Variants in CTNNA3 observed in about 807,000 individuals in gnomAD.
CTNNA3 encodes catenin alpha-3.
CTNNA3 carries 76 observed loss-of-function variants against 95.7 expected under a neutral mutation model. The observed-to-expected ratio is 0.79, with a 90% confidence interval of 0.66 to 0.96. CTNNA3 has a LOEUF of 0.96. Ranked by LOEUF, CTNNA3 falls within the 40% of genes least tolerant of loss-of-function variation. The probability of loss-of-function intolerance (pLI) is 0.00; values close to 1 mark genes in which losing one functional copy is unlikely to be tolerated. For synonymous variants in CTNNA3, 431 were observed against 374.4 expected (o/e 1.15, Z -1.74); for missense variants, 1,191 against 1,089.8 (o/e 1.09, Z -1.31).
intron 17 of CTNNA3, among the ~76,000 whole-genome samples, chr10:65,957,317 T>C (rs2077751785): frequency 1.3e-5 from 2 of 152,190 alleles, no homozygotes; most frequent in South Asian, 4.1e-4. Context: ...GAATACAGCA[T>C]GCTGATGAGT....
chr10:66,124,802 C>T (rs2082737789), intron 13 of CTNNA3, among the ~76,000 whole-genome samples: 1 of 152,124 alleles, frequency 6.6e-6, no homozygotes, highest in Admixed American at 6.5e-5. Flanking sequence ...GACTCATTCA[C>T]TATCACAAGA....
At chr10:66,458,745 G>A (rs1319544228) in intron 11 of CTNNA3, among the ~76,000 whole-genome samples, 1 of 152,134 alleles carries the variant, frequency 6.6e-6, no homozygotes, top group Non-Finnish European at 1.5e-5. Context: ...TCATGTTGAA[G>A]CAATCAGAAT....
At chr10:67,478,161 A>C (rs1366668729) in intron 5 of CTNNA3, among the ~76,000 whole-genome samples, 6 of 152,218 alleles carry the variant, frequency 3.9e-5, no homozygotes, top group African/African-American at 1.4e-4. Flanking sequence ...AAAAATGAAC[A>C]AAGTCATTGA....
At chr10:67,064,173 T>C (rs974720929) in intron 7 of CTNNA3, among the ~76,000 whole-genome samples, 1 of 152,210 alleles carries the variant, frequency 6.6e-6, no homozygotes. Context: ...TTATCTTTCA[T>C]CTTACATCAT....
chr10:67,008,427 C>T (rs1051138438), intron 7 of CTNNA3, among the ~76,000 whole-genome samples: 21 of 152,042 alleles, frequency 1.4e-4, no homozygotes, highest in Non-Finnish European at 5.9e-5. Flanking sequence ...TCTTGATTCA[C>T]CTCTTAGTAG....
intron 9 of CTNNA3, among the ~76,000 whole-genome samples, chr10:66,639,309 C>T (rs1255381445): frequency 6.6e-6 from 1 of 152,014 alleles, no homozygotes; most frequent in African/African-American, 2.4e-5. Context: ...AGATCTGCAT[C>T]CTAGTTACAG....
At chr10:67,061,787 G>A (rs1855769659) in intron 7 of CTNNA3, among the ~76,000 whole-genome samples, 1 of 152,112 alleles carries the variant, frequency 6.6e-6, no homozygotes, top group Non-Finnish European at 1.5e-5. Context: ...TAATAAGAAA[G>A]GACAGCTTCA....
At chr10:66,791,592 G>A (rs1165385969) in intron 7 of CTNNA3, among the ~76,000 whole-genome samples, 1 of 152,096 alleles carries the variant, frequency 6.6e-6, no homozygotes, top group African/African-American at 2.4e-5. Flanking sequence ...GTAATTAATT[G>A]ATTAATGCAT....
intron 5 of CTNNA3, among the ~76,000 whole-genome samples, chr10:67,310,733 C>T (rs181357720): frequency 2.6e-5 from 4 of 152,262 alleles, no homozygotes; most frequent in African/African-American, 9.6e-5. Context: ...ATAAAACCAT[C>T]AATCTTGTAA....
intron 7 of CTNNA3, among the ~76,000 whole-genome samples, chr10:66,780,824 G>A (rs374604225): frequency 2.6e-5 from 4 of 152,082 alleles, no homozygotes; most frequent in Admixed American, 1.3e-4. Context: ...ATCCCATTAC[G>A]TTTCTGGGCC....
At chr10:66,702,728 G>GT (rs1589145960) in intron 9 of CTNNA3, among the ~76,000 whole-genome samples, 11 of 90,814 alleles carry the variant, frequency 1.2e-4, no homozygotes, top group African/African-American at 3.8e-4. Context: ...AAAAAAAAAA[G>GT]AATAAGTAGT....
At chr10:66,995,793 T>C (rs1564819588) in intron 7 of CTNNA3, among the ~76,000 whole-genome samples, 1 of 152,174 alleles carries the variant, frequency 6.6e-6, no homozygotes, top group Non-Finnish European at 1.5e-5. Flanking sequence ...CTACTCATTC[T>C]TAAGGTCTAA....
At chr10:67,031,708 G>A (rs1853739761) in intron 7 of CTNNA3, among the ~76,000 whole-genome samples, 1 of 152,122 alleles carries the variant, frequency 6.6e-6, no homozygotes, top group Non-Finnish European at 1.5e-5. Flanking sequence ...AGTAGACTAG[G>A]ACCTTAGTTT....
chr10:67,206,151 T>C (rs1242018687), intron 6 of CTNNA3, among the ~76,000 whole-genome samples: 1 of 152,236 alleles, frequency 6.6e-6, no homozygotes, highest in Non-Finnish European at 1.5e-5. Context: ...GAGACAGTTA[T>C]TCAAATTACC....
At chr10:67,313,410 C>T (rs980411238) in intron 5 of CTNNA3, among the ~76,000 whole-genome samples, 1 of 150,094 alleles carries the variant, frequency 6.7e-6, no homozygotes, top group Admixed American at 6.6e-5. Flanking sequence ...CCAGCCTGGG[C>T]GACAGAGCGA....
chr10:67,388,775 A>C (rs911721456), intron 5 of CTNNA3, among the ~76,000 whole-genome samples: 1 of 152,134 alleles, frequency 6.6e-6, no homozygotes, highest in Non-Finnish European at 1.5e-5. Flanking sequence ...TAAAGAAAAG[A>C]ATTTTCAACC....
chr10:66,189,372 T>C (rs930074696), intron 13 of CTNNA3, among the ~76,000 whole-genome samples: 4 of 151,900 alleles, frequency 2.6e-5, no homozygotes, highest in Non-Finnish European at 5.9e-5. Flanking sequence ...GGGTCTTTAA[T>C]TTATTTTGAG....
rs140268300 is a variant in CTNNA3 at position 67,134,641 on chromosome 10, T to G, written c.1047+45676A>C. On this transcript the variant is annotated intron_variant, in intron 7 of 17. Coordinates refer to ENST00000433211, the MANE Select transcript of CTNNA3 (RefSeq NM_013266.4). Reference sequence around the variant, plus strand: ...TGCATCCATTCAGTTTTATTAAGCTTGTATCCTAGATATCTGCATCCATTC... The same window carrying G: ...TGCATCCATTCAGTTTTATTAAGCTGGTATCCTAGATATCTGCATCCATTC... Among the ~76,000 whole-genome samples, 171 of 152,242 alleles carry G rather than the reference T, an allele frequency of 1.1e-3. 1 individual carries two copies. Among genetic ancestry groups the G allele is most frequent in the African/African-American group, 4.0e-3 (165 of 41,546 alleles).
chr10:66,051,577 C>T (rs1030015473), intron 15 of CTNNA3, among the ~76,000 whole-genome samples: 2 of 152,108 alleles, frequency 1.3e-5, no homozygotes, highest in Non-Finnish European at 2.9e-5. Context: ...TTAGTGATTT[C>T]CAAACAGTTA....
Sources: allele counts gnomAD v4.1 joint callset (sites outside exome capture counted in the v4.1 genomes callset), GRCh38; gene constraint gnomAD v4.1.1; transcripts MANE v1.5; gene names NCBI Gene and HGNC (gene_info 2026-07-23, HGNC 2026-07-21).